Variants in ANKRD31 observed in about 807,000 individuals in gnomAD.
ANKRD31 encodes ankyrin repeat domain-containing protein 31.
A neutral mutation model predicts 186.0 loss-of-function variants in ANKRD31; 147 were observed. The ratio of observed to expected loss-of-function variants is 0.79; its 90% confidence interval spans 0.69 to 0.91. The LOEUF is 0.91. Ranked by LOEUF, ANKRD31 falls within the 40% of genes least tolerant of loss-of-function variation. The pLI is 0.00. For missense variants in ANKRD31, 1,986 were observed against 2,148.8 expected (o/e 0.92, Z 1.50); for synonymous variants, 673 against 736.4 (o/e 0.91, Z 1.39).
Position 75,182,699 on chromosome 5 carries a change from A to G in ANKRD31, c.1564+5794T>C, listed in dbSNP as rs376447754. Among the ~76,000 whole-genome samples, 389 of 151,960 alleles carry G rather than the reference A, an allele frequency of 2.6e-3. 1 individual carries two copies. The highest frequency in any genetic ancestry group is 6.8e-3 in the Middle Eastern group (2 of 294). ...GCGCCATTGCACTCCAGCCTGGGTG[A>G]CAAGAGTGAGAGTCCAACTTAAAAA... On this transcript the variant is annotated intron_variant, in intron 10 of 25. Transcript: ENST00000506364.
At chr5:75,206,365 A>C (rs1467139096) in intron 5 of ANKRD31, 46 bp downstream of exon 5, 1 of 1,156,298 alleles carries the variant, frequency 8.6e-7, no homozygotes, top group African/African-American at 1.6e-5. Flanking sequence ...TTCTATTTTT[A>C]GGCAAAGACT....
At chr5:75,180,815 A>G (rs928253770) in intron 10 of ANKRD31, among the ~76,000 whole-genome samples, 2 of 152,198 alleles carry the variant, frequency 1.3e-5, no homozygotes, top group Non-Finnish European at 2.9e-5. Context: ...TTCAGGACAT[A>G]GGCATGGGCA....
rs1160218528 is a variant in ANKRD31, at chr5:75,107,533, G to T, written c.4328C>A (p.Ala1443Asp). 6.6e-7 allele frequency: 1 copy of T among 1,522,300 alleles called. No individual in the cohort carries two copies. The highest frequency in any genetic ancestry group is 1.4e-5 in the African/African-American group (1 of 72,096). 94.3% of individuals were successfully genotyped at this position (1,522,300 alleles called of 1,614,324 possible). A position where few individuals can be genotyped will look rare whatever the true frequency, so the allele number is the denominator to read the frequency against. ...TTTTTCTACTCACCTGTATTTTTTA[G>T]CCAGATCATCCCTTTCTGCTTTCTG... Reference protein sequence around the residue: ...AKQKAERDDLAKKYRVSIESF... With the variant: ...AKQKAERDDLDKKYRVSIESF... The change falls in exon 21 of 26, where the codon GCT becomes GAT. Residue 1443 changes from alanine to aspartate, a missense_variant. Physicochemically the swap from Ala to Asp is moderately radical, Grantham distance 126 (BLOSUM62 -2). Transcript: ENST00000506364.
rs1745323354 is a variant in ANKRD31, at chr5:75,084,391, A to C, written c.5473-17T>G. On this transcript the variant is annotated splice_polypyrimidine_tract_variant and intron_variant, in intron 23 of 25. Coordinates refer to ENST00000506364, the MANE Select transcript of ANKRD31 (RefSeq NM_001372053.1). The stretch of plus-strand genomic sequence containing the variant: ...ATACGTTACCTGCACATAATTAAGC[A>C]CAAAATTTATAAATCATACATTCTG... The C allele has an allele frequency of 2.0e-6, 3 of 1,486,770 alleles. No individual in the cohort carries two copies. The highest frequency in any genetic ancestry group is 9.1e-7 in the Non-Finnish European group (1 of 1,101,058). 92.1% of individuals were successfully genotyped at this position (1,486,770 alleles called of 1,614,324 possible). A position where few individuals can be genotyped will look rare whatever the true frequency, so the allele number is the denominator to read the frequency against.
chr5:75,162,530 C>A (rs1482175806), intron 11 of ANKRD31, among the ~76,000 whole-genome samples: 2 of 152,144 alleles, frequency 1.3e-5, no homozygotes, highest in Non-Finnish European at 2.9e-5. Context: ...TGAGTTAATG[C>A]TGAAATGGGT....
rs183379097 is a variant in ANKRD31 at position 75,081,237 on chromosome 5, C to G, written c.5576-598G>C. 1.2e-4 allele frequency among the ~76,000 whole-genome samples: 18 copies of G among 152,268 alleles called. 1 individual carries two copies. The highest frequency in any genetic ancestry group is 1.1e-3 in the Admixed American group (17 of 15,288). ...AAGAAGCTGGTTGGCACACTGCTAC[C>G]TCCATGGTTCTTAAATTAACATTAA... On this transcript the variant is annotated intron_variant, in intron 24 of 25. Coordinates refer to ENST00000506364, the MANE Select transcript of ANKRD31 (RefSeq NM_001372053.1).
intron 11 of ANKRD31, among the ~76,000 whole-genome samples, chr5:75,167,617 A>T (rs16872436): frequency 0.2 from 29,948 of 152,104 alleles, 3,897 homozygotes; most frequent in African/African-American, 0.37. Context: ...TAAGTGGGGA[A>T]ACTGGATTCT....
intron 13 of ANKRD31, 32 bp downstream of exon 13, chr5:75,148,544 A>G (rs745326789): frequency 1.4e-5 from 20 of 1,427,664 alleles, no homozygotes; most frequent in Non-Finnish European, 1.9e-5. Context: ...TTACATCCCT[A>G]TAAAAATGTT....
In ANKRD31 at chr5:75,118,171, T is replaced by A. The variant is rs751491591; in HGVS notation, c.4003A>T (p.Thr1335Ser). The change falls in exon 18 of 26, where the codon ACT (threonine) becomes TCT (serine). Residue 1335 changes from threonine (T) to serine (S), a missense_variant. Transcript: ENST00000506364. ...ELLRSYGAIE[T>S]VNRDESDAIV... ...GCATCACTCTCATCTCTATTAACAG[T>A]CTCAATAGCACCATAAGATCTTAGT... 6.6e-7 allele frequency: 1 copy of A among 1,513,786 alleles called. No individual in the cohort carries two copies. The highest frequency in any genetic ancestry group is 8.8e-7 in the Non-Finnish European group (1 of 1,139,726). The allele number at this position is 1,513,786 out of a possible 1,614,324, so 93.8% of individuals were successfully genotyped here. A position where few individuals can be genotyped will look rare whatever the true frequency, so the allele number is the denominator to read the frequency against.
intron 3 of ANKRD31, among the ~76,000 whole-genome samples, chr5:75,221,095 T>C (rs1199873319): frequency 6.6e-6 from 1 of 152,146 alleles, no homozygotes; most frequent in Admixed American, 6.5e-5. Context: ...TAACGCATGT[T>C]CTCACCTACA....
chr5:75,117,406 T>A (rs908714795), intron 18 of ANKRD31, among the ~76,000 whole-genome samples: 1 of 152,188 alleles, frequency 6.6e-6, no homozygotes, highest in East Asian at 1.9e-4. Flanking sequence ...TGTATCACTC[T>A]TGACCTTGAC....
intron 20 of ANKRD31, among the ~76,000 whole-genome samples, chr5:75,110,924 T>A (rs1437059718): frequency 6.6e-6 from 1 of 151,318 alleles, no homozygotes; most frequent in African/African-American, 2.4e-5. Flanking sequence ...TATAAATCAA[T>A]AGATTTAAAA....
At chr5:75,200,901 GA>G (rs1347951277) in intron 5 of ANKRD31, among the ~76,000 whole-genome samples, 4 of 144,228 alleles carry the variant, frequency 2.8e-5, no homozygotes, top group African/African-American at 1.1e-4. Flanking sequence ...AATAGAGCAA[GA>G]CTTCGCCTCA....
At chr5:75,084,458 A>C in intron 23 of ANKRD31, 84 bp from the exon 24 acceptor site, 1 of 1,097,132 alleles carries the variant, frequency 9.1e-7, no homozygotes, top group Non-Finnish European at 1.3e-6. Context: ...TGTAATTTTT[A>C]TAAGGTTTTG....
At position 75,068,947 on chromosome 5, in the gene ANKRD31, C is replaced by CA. The variant is rs1266230922; in HGVS notation, c.5648-284dup. On this transcript the variant is annotated intron_variant, in intron 25 of 25. Coordinates refer to ENST00000506364, the MANE Select transcript of ANKRD31 (RefSeq NM_001372053.1). ...TAGTGGTACAAGCTCCTCTCTGCCT[C>CA]AATTTCCAATAAACGGAGAATAAAA... Among the ~76,000 whole-genome samples the CA allele has an allele frequency of 9.2e-5, 14 of 152,260 alleles. No homozygotes were observed. In the East Asian group the frequency reaches 2.7e-3, roughly 29 times the overall value.
intron 11 of ANKRD31, among the ~76,000 whole-genome samples, chr5:75,166,695 A>C (rs1054912878): frequency 6.6e-6 from 1 of 152,270 alleles, no homozygotes; most frequent in East Asian, 1.9e-4. Flanking sequence ...ACCTTTACCT[A>C]CTAACAAGGT....
intron 17 of ANKRD31, among the ~76,000 whole-genome samples, chr5:75,125,277 G>C (rs1176327657): frequency 2.6e-5 from 4 of 152,054 alleles, no homozygotes; most frequent in Non-Finnish European, 4.4e-5. Context: ...TCTGAGTAAA[G>C]GTATGAAACG....
intron 2 of ANKRD31, 116 bp downstream of exon 2, chr5:75,230,446 G>T: frequency 1.4e-6 from 1 of 712,074 alleles, no homozygotes; most frequent in Non-Finnish European, 2.2e-6. Context: ...GGTAAAATTG[G>T]TTTCCTTATA....
chr5:75,134,658 AT>A (rs1210130474), intron 17 of ANKRD31, among the ~76,000 whole-genome samples: 4 of 152,308 alleles, frequency 2.6e-5, no homozygotes, highest in African/African-American at 9.6e-5. Flanking sequence ...TCCCTAACTC[AT>A]TTGATGAGGC....
Sources: gnomAD v4.1 joint callset for allele counts (sites outside exome capture counted in the v4.1 genomes callset) on GRCh38, gnomAD v4.1.1 for gene constraint, MANE v1.5 for transcripts, NCBI Gene and HGNC (gene_info 2026-07-23, HGNC 2026-07-21) for gene names.